The following WNT2 variants were observed in gnomAD, a reference collection of about 807,000 sequenced individuals.
WNT2 encodes the protein Wnt family member 2.
Under a neutral mutation model 36.9 loss-of-function variants are expected in WNT2, and 12 were observed. The ratio of observed to expected loss-of-function variants is 0.33; its 90% CI spans 0.21 to 0.53. The LOEUF (loss-of-function observed/expected upper bound fraction) is 0.53. Among genes scored for constraint, WNT2 ranks in the 20% least tolerant of loss-of-function variants. The pLI, the probability that WNT2 is intolerant of heterozygous loss-of-function variation, is 0.95. For missense variants in WNT2, 379 were observed against 473.1 expected (o/e 0.80, Z 1.84); for synonymous variants, 163 against 174.6 (o/e 0.93, Z 0.52).
At position 117,278,286 on chromosome 7, in the gene WNT2, C is replaced by T. The variant is rs200271309; in HGVS notation, c.952G>A (p.Val318Ile). ...CCGRGYDTSH[V>I]TRMTKCGCKF... ...CACCCACACTTGGTCATCCGGGTGACATGGGAGGTGTCGTAGCCTCTCCCA... is the reference window on the plus strand; with the variant it reads ...CACCCACACTTGGTCATCCGGGTGATATGGGAGGTGTCGTAGCCTCTCCCA... Residue 318 changes from valine to isoleucine, a missense_variant, in exon 5 of 5, where the codon GTC becomes ATC. By Grantham distance (29) the Val-to-Ile change is conservative. Coordinates refer to ENST00000265441, the MANE Select transcript of WNT2 (RefSeq NM_003391.3). 6.2e-7 allele frequency: 1 copy of T among 1,614,244 alleles called. No individual in the cohort carries two copies. The highest frequency in any genetic ancestry group is 1.1e-5 in the South Asian group (1 of 91,086).
chr7:117,304,237 A>T (rs899124756), intron 3 of WNT2, among the ~76,000 whole-genome samples: 1 of 152,182 alleles, frequency 6.6e-6, no homozygotes, highest in Admixed American at 6.5e-5. Flanking sequence ...AATGTTGCAG[A>T]TGGGAAGTCT....
rs1394076194 is a variant in WNT2, at chr7:117,284,843, G to A, written c.854-6459C>T. Among the ~76,000 whole-genome samples the A allele has an allele frequency of 6.6e-6, 1 of 152,246 alleles. No individual in the cohort carries two copies. The highest frequency in any genetic ancestry group is 2.4e-5 in the African/African-American group (1 of 41,468). ...ATCACCATTTTGGAAATGAGGAAAT[G>A]GAGATTCAGGAAGATTAAGTAACTT... On this transcript the variant is annotated intron_variant, in intron 4 of 4. Transcript: ENST00000265441. The surrounding 1 kb of genome is among the most constrained non-coding windows in gnomAD (Gnocchi z 5.2).
intron 3 of WNT2, among the ~76,000 whole-genome samples, chr7:117,298,611 T>C (rs554366794): frequency 2.6e-5 from 4 of 152,222 alleles, no homozygotes; most frequent in Admixed American, 1.3e-4. Context: ...GCTCCCAATA[T>C]AGAGACCCCT....
chr7:117,299,855 A>T (rs1447656074), intron 3 of WNT2, among the ~76,000 whole-genome samples: 2 of 152,164 alleles, frequency 1.3e-5, no homozygotes, highest in Non-Finnish European at 2.9e-5. Context: ...TGATATTTTT[A>T]TACAATTAAT....
chr7:117,318,826 T>C (rs942583013), intron 2 of WNT2, among the ~76,000 whole-genome samples: 1 of 152,196 alleles, frequency 6.6e-6, no homozygotes, highest in Admixed American at 6.5e-5. Context: ...TCGAACCTCC[T>C]TCATCTCAGC....
chr7:117,282,097 T>A (rs1479529107), intron 4 of WNT2, among the ~76,000 whole-genome samples: 1 of 152,192 alleles, frequency 6.6e-6, no homozygotes, highest in Non-Finnish European at 1.5e-5. Context: ...CAGATTAGGT[T>A]TTCATGTACC....
intron 4 of WNT2, among the ~76,000 whole-genome samples, chr7:117,281,728 T>C (rs1207268573): frequency 6.6e-6 from 1 of 151,946 alleles, no homozygotes; most frequent in African/African-American, 2.4e-5. Flanking sequence ...AACAAATACA[T>C]GATTGGCTGA....
chr7:117,296,813 A>T (rs1794798970), intron 4 of WNT2, among the ~76,000 whole-genome samples: 1 of 152,200 alleles, frequency 6.6e-6, no homozygotes, highest in Non-Finnish European at 1.5e-5. Context: ...TGGCTTTAAT[A>T]AATGAAGGGC....
chr7:117,308,682 C>T (rs1795062523), intron 3 of WNT2, among the ~76,000 whole-genome samples: 1 of 152,108 alleles, frequency 6.6e-6, no homozygotes, highest in Admixed American at 6.5e-5. Context: ...CACAAAGATG[C>T]TCAAGATTGT....
In WNT2 at chr7:117,277,335, A is replaced by T. The variant is rs1175625759; in HGVS notation, c.*820T>A. 1 of 152,368 alleles carries T rather than the reference A, an allele frequency of 6.6e-6. No homozygotes were observed. Among genetic ancestry groups the T allele is most frequent in the East Asian group, 1.9e-4 (1 of 5,192 alleles). 9.4% of individuals were successfully genotyped at this position (152,368 alleles called of 1,614,324 possible). A position where few individuals can be genotyped will look rare whatever the true frequency, so the allele number is the denominator to read the frequency against. ...ACCATATTCACCCAATAGTTACAGA[A>T]TATTGCCAGACCATTCATCTTCTTT... On this transcript the variant is annotated 3_prime_UTR_variant, in exon 5 of 5. Coordinates refer to ENST00000265441, the MANE Select transcript of WNT2 (RefSeq NM_003391.3).
chr7:117,280,097 G>C lies in WNT2; in HGVS notation c.854-1713C>G, dbSNP rs886827803. 3.9e-5 allele frequency among the ~76,000 whole-genome samples: 6 copies of C among 152,042 alleles called. 1 individual carries two copies. The South Asian group carries it at 1.2e-3, about 32-fold the overall frequency. ...GCAGCGTTTGGTCAGAATGATTGGCGGCGGAGAGCAGGAAGACTGGCCGGG... is the reference window on the plus strand; with the variant it reads ...GCAGCGTTTGGTCAGAATGATTGGCCGCGGAGAGCAGGAAGACTGGCCGGG... On this transcript the variant is annotated intron_variant, in intron 4 of 4. Coordinates refer to ENST00000265441, the MANE Select transcript of WNT2 (RefSeq NM_003391.3).
chr7:117,302,678 G>T (rs1172782044), intron 3 of WNT2, among the ~76,000 whole-genome samples: 2 of 152,118 alleles, frequency 1.3e-5, no homozygotes, highest in African/African-American at 4.8e-5. Context: ...GACATCAGTA[G>T]GAAAATGGCT....
chr7:117,287,945 G>A (rs2116335762), intron 4 of WNT2, among the ~76,000 whole-genome samples: 1 of 152,198 alleles, frequency 6.6e-6, no homozygotes, highest in South Asian at 2.1e-4. Context: ...CTGAGATTGG[G>A]CCATTGTACT....
chr7:117,311,456 C>A (rs1433186656), intron 3 of WNT2, among the ~76,000 whole-genome samples: 1 of 152,184 alleles, frequency 6.6e-6, no homozygotes, highest in Non-Finnish European at 1.5e-5. Flanking sequence ...TATGACCCTG[C>A]TTTAGTCTCT....
chr7:117,299,016 C>A (rs1019125164), intron 3 of WNT2, among the ~76,000 whole-genome samples: 2 of 152,026 alleles, frequency 1.3e-5, no homozygotes, highest in Non-Finnish European at 2.9e-5. Context: ...TTATCCTCCT[C>A]AGCACGAGCC....
intron 4 of WNT2, among the ~76,000 whole-genome samples, chr7:117,297,325 C>T (rs542250207): frequency 5.7e-4 from 87 of 152,180 alleles, no homozygotes; most frequent in African/African-American, 1.9e-3. Flanking sequence ...ACCACAGATG[C>T]GCACCACCAT....
chr7:117,300,614 T>G (rs112496788), intron 3 of WNT2, among the ~76,000 whole-genome samples: 1 of 151,946 alleles, frequency 6.6e-6, no homozygotes, highest in East Asian at 2.0e-4. Flanking sequence ...AGCCTGGGCA[T>G]CACAGTGAGA....
chr7:117,302,293 T>C (rs1023909623), intron 3 of WNT2, among the ~76,000 whole-genome samples: 5 of 152,226 alleles, frequency 3.3e-5, no homozygotes, highest in Non-Finnish European at 7.3e-5. Flanking sequence ...GGTGTTCGAC[T>C]TCATTAGTAA....
Position 117,275,705 on chromosome 7 carries a change from C to T in WNT2, c.*2450G>A, listed in dbSNP as rs573177825. Among the ~76,000 whole-genome samples the T allele has an allele frequency of 1.3e-5, 2 of 152,254 alleles. No homozygotes were observed. The highest frequency in any genetic ancestry group is 1.9e-4 in the East Asian group (1 of 5,188). ...TCTAAGGCAAAGGAGTTTAAAATTACCTTCATTTGTTGTGTAATTTTTTTC... is the reference window on the plus strand; with the variant it reads ...TCTAAGGCAAAGGAGTTTAAAATTATCTTCATTTGTTGTGTAATTTTTTTC... On this transcript the variant is annotated 3_prime_UTR_variant, in exon 5 of 5. Coordinates refer to ENST00000265441, the MANE Select transcript of WNT2 (RefSeq NM_003391.3).
Sources: allele counts gnomAD v4.1 joint callset (sites outside exome capture counted in the v4.1 genomes callset), GRCh38; gene constraint gnomAD v4.1.1; non-coding constraint Gnocchi (gnomAD v3.1); transcripts MANE v1.5; gene names NCBI Gene and HGNC (gene_info 2026-07-23, HGNC 2026-07-21).